The following LAIR1 variants were observed in gnomAD, a reference collection of about 807,000 sequenced individuals.
The protein encoded by LAIR1 is leukocyte associated immunoglobulin like receptor 1, also known as leukocyte-associated immunoglobulin-like receptor 1.
Under a neutral mutation model 32.8 loss-of-function variants are expected in LAIR1, and 24 were observed. The observed-to-expected ratio is 0.73, with a 90% confidence interval of 0.53 to 1.03. The LOEUF is 1.03. Among genes scored for constraint, LAIR1 ranks in the 50% least tolerant of loss-of-function variants. The probability of loss-of-function intolerance (pLI) is 0.00; values close to 1 mark genes in which losing one functional copy is unlikely to be tolerated. For missense variants in LAIR1, 355 were observed against 347.5 expected (o/e 1.02, Z -0.17); for synonymous variants, 150 against 140.5 (o/e 1.07, Z -0.48).
chr19:54,365,229 G>A (rs193165670), upstream of LAIR1: 103 of 229,198 alleles, frequency 4.5e-4, no homozygotes, highest in Non-Finnish European at 6.3e-5. Context: ...TATTACAAAT[G>A]GGAGCCATAG....
upstream of LAIR1, among the ~76,000 whole-genome samples, chr19:54,372,279 C>T (rs1463966329): frequency 2.6e-5 from 4 of 151,448 alleles, no homozygotes; most frequent in South Asian, 2.1e-4. Flanking sequence ...TCCACATCCT[C>T]GCCAGTAGGC....
upstream of LAIR1, among the ~76,000 whole-genome samples, chr19:54,373,325 T>C (rs2082451289): frequency 6.6e-6 from 1 of 150,728 alleles, no homozygotes; most frequent in Non-Finnish European, 1.5e-5. Context: ...GCACCTGTAG[T>C]CCCAGCTACT....
chr19:54,366,045 A>G (rs2082242423), upstream of LAIR1, among the ~76,000 whole-genome samples: 1 of 152,194 alleles, frequency 6.6e-6, no homozygotes, highest in African/African-American at 2.4e-5. Context: ...GCATGATGTC[A>G]CTTACAGGAG....
intron 2 of LAIR1, among the ~76,000 whole-genome samples, chr19:54,363,505 A>T (rs1282931683): frequency 6.6e-6 from 1 of 152,156 alleles, no homozygotes; most frequent in Admixed American, 6.5e-5. Flanking sequence ...TCCCAGGGTG[A>T]CCGCAGCACT....
the LAIR1 span, among the ~76,000 whole-genome samples, chr19:54,375,624 TG>T: frequency 6.6e-6 from 1 of 152,178 alleles, no homozygotes; most frequent in African/African-American, 2.4e-5. Context: ...AGGTCAGACT[TG>T]AAGGAGACGG....
rs2081636431 is a variant in LAIR1, at chr19:54,355,163, T to C, written c.*105A>G. 8.7e-7 allele frequency: 1 copy of C among 1,150,476 alleles called. No individual in the cohort carries two copies. The highest frequency in any genetic ancestry group is 1.6e-5 in the African/African-American group (1 of 62,984). The allele number at this position is 1,150,476 out of a possible 1,614,324, so 71.3% of individuals were successfully genotyped here. ...CTCCAGGACAGCTGCCTGGCTGGCT[T>C]TCTAGATGAAGAGGAATCCAACAGG... On this transcript the variant is annotated 3_prime_UTR_variant, in exon 10 of 10. Transcript: ENST00000391742. The surrounding 1 kb of genome is among the most constrained non-coding windows in gnomAD (Gnocchi z 4.7).
rs554172383 is a variant in LAIR1 at position 54,355,304 on chromosome 19, G to T, written c.828C>A (p.Ala276=). The change falls in exon 10 of 10, where the codon GCC becomes GCA. Residue 276 remains alanine (A), a synonymous_variant. Transcript: ENST00000391742. The surrounding 1 kb of genome is among the most constrained non-coding windows in gnomAD (Gnocchi z 4.7). The part of the protein sequence containing the change: ...AVSPQSTKPM[A]ESITYAAVAR... ...CAACGGCTGCATACGTGATGGACTC[G>T]GCCATGGGCTTTGTGGACTGTGGGG... The T allele has an allele frequency of 6.2e-7, 1 of 1,612,388 alleles. No homozygotes were observed. The highest frequency in any genetic ancestry group is 8.5e-7 in the Non-Finnish European group (1 of 1,179,138).
upstream of LAIR1, among the ~76,000 whole-genome samples, chr19:54,366,884 G>T (rs891780696): frequency 3.3e-5 from 5 of 152,170 alleles, no homozygotes; most frequent in Non-Finnish European, 5.9e-5. Flanking sequence ...TTACCTAAAG[G>T]TAGAGTTTAT....
upstream of LAIR1, among the ~76,000 whole-genome samples, chr19:54,374,426 G>A (rs956559890): frequency 5.9e-5 from 9 of 152,210 alleles, no homozygotes; most frequent in Admixed American, 1.3e-4. Flanking sequence ...TCTGGAGTTC[G>A]ATGAAGGACG....
In LAIR1 at chr19:54,351,603, A is replaced by G. The variant is rs1239248468; in HGVS notation, c.*3665T>C. 2 of 152,192 alleles carry G rather than the reference A, an allele frequency of 1.3e-5. No homozygotes were observed. Among genetic ancestry groups the G allele is most frequent in the Admixed American group, 1.3e-4 (2 of 15,278 alleles). The allele number at this position is 152,192 out of a possible 1,614,324, so 9.4% of individuals were successfully genotyped here. On this transcript the variant is annotated 3_prime_UTR_variant, in exon 10 of 10. Coordinates refer to ENST00000391742, the MANE Select transcript of LAIR1 (RefSeq NM_002287.6). ...ATCACCAACCAAAACACAACATGCTATCACCACAACTATTTTTAAATGTCT... is the reference window on the plus strand; with the variant it reads ...ATCACCAACCAAAACACAACATGCTGTCACCACAACTATTTTTAAATGTCT...
rs1211473119 is a variant in LAIR1 at position 54,364,182 on chromosome 19, G to A, written c.70+113C>T. The A allele has an allele frequency of 7.3e-6, 9 of 1,226,564 alleles. No individual in the cohort carries two copies. The highest frequency in any genetic ancestry group is 1.1e-5 in the Non-Finnish European group (9 of 848,082). 76.0% of individuals were successfully genotyped at this position (1,226,564 alleles called of 1,614,324 possible). A position where few individuals can be genotyped will look rare whatever the true frequency, so the allele number is the denominator to read the frequency against. On this transcript the variant is annotated intron_variant, in intron 2 of 9. Coordinates refer to ENST00000391742, the MANE Select transcript of LAIR1 (RefSeq NM_002287.6). This position sits in a 1 kb window ranked among gnomAD's most constrained non-coding sequence, Gnocchi z 4.8. ...ACATTTGGAAGAGTTTGCAATCTAG[G>A]GTATATTTAAAGGGATCTCTCCAGG...
Position 54,359,577 on chromosome 19 carries a change from A to T in LAIR1, c.415+445T>A, listed in dbSNP as rs1158934625. 3.3e-5 allele frequency among the ~76,000 whole-genome samples: 5 copies of T among 152,334 alleles called. No individual in the cohort carries two copies. In the East Asian group the frequency reaches 9.7e-4, roughly 30 times the overall value. On this transcript the variant is annotated intron_variant, in intron 4 of 9. Transcript: ENST00000391742. Reference sequence around the variant, plus strand: ...AGTTCTAAGTCCCTCCATCAGGTGCAGAGCGGGGTGAATGGTGAGGCCACG... The same window carrying T: ...AGTTCTAAGTCCCTCCATCAGGTGCTGAGCGGGGTGAATGGTGAGGCCACG...
Position 54,355,282 on chromosome 19 carries a change from C to T in LAIR1, c.850G>A (p.Val284Ile), listed in dbSNP as rs757423062. ...TGGGTATGGGGTCAGTGTCTGGCAA[C>T]GGCTGCATACGTGATGGACTCGGCC... is the stretch of plus-strand genomic sequence containing the variant. The part of the protein sequence containing the change: ...PMAESITYAA[V>I]ARH The change falls in exon 10 of 10, where the codon GTT (valine) becomes ATT (isoleucine). Residue 284 changes from valine (V) to isoleucine (I), a missense_variant. Physicochemically the swap from Val to Ile is conservative, Grantham distance 29. Coordinates refer to ENST00000391742, the MANE Select transcript of LAIR1 (RefSeq NM_002287.6). This position sits in a 1 kb window ranked among gnomAD's most constrained non-coding sequence, Gnocchi z 4.7. 5.0e-6 allele frequency: 8 copies of T among 1,607,178 alleles called. No individual in the cohort carries two copies. Among genetic ancestry groups the T allele is most frequent in the Non-Finnish European group, 6.8e-6 (8 of 1,176,386 alleles).
chr19:54,373,632 G>A (rs542965148), upstream of LAIR1, among the ~76,000 whole-genome samples: 5 of 151,838 alleles, frequency 3.3e-5, no homozygotes, highest in African/African-American at 9.7e-5. Flanking sequence ...CACGACTATT[G>A]TGAGACAAGA....
At chr19:54,368,957 G>A (rs1376280537), upstream of LAIR1, among the ~76,000 whole-genome samples, 1 of 151,212 alleles carries the variant, frequency 6.6e-6, no homozygotes, top group East Asian at 1.9e-4. Flanking sequence ...AAAGTGCTGA[G>A]ATTACAGGCG....
At chr19:54,362,134 AT>A (rs1397036787) in intron 2 of LAIR1, among the ~76,000 whole-genome samples, 1 of 152,076 alleles carries the variant, frequency 6.6e-6, no homozygotes, top group African/African-American at 2.4e-5. Flanking sequence ...GCTAATTAAT[AT>A]AACCTCACTT....
rs2081538346 is a variant in LAIR1 at position 54,351,868 on chromosome 19, G to C, written c.*3400C>G. The C allele has an allele frequency of 2.0e-5, 1 of 49,196 alleles. No individual in the cohort carries two copies. The highest frequency in any genetic ancestry group is 2.1e-4 in the Admixed American group (1 of 4,854). 3.0% of individuals were successfully genotyped at this position (49,196 alleles called of 1,614,324 possible). On this transcript the variant is annotated 3_prime_UTR_variant, in exon 10 of 10. Coordinates refer to ENST00000391742, the MANE Select transcript of LAIR1 (RefSeq NM_002287.6). ...TTCTATGTTCAGTTTTACACTAAAA[G>C]GTAAAAAAAAGTTAAAAAAAAGAAA...
upstream of LAIR1, among the ~76,000 whole-genome samples, chr19:54,366,582 A>C (rs1162258681): frequency 1.3e-5 from 2 of 151,970 alleles, no homozygotes; most frequent in East Asian, 3.9e-4. Flanking sequence ...TCTGCCTCCC[A>C]GATTCAAGCC....
chr19:54,355,056 G>A lies in LAIR1; in HGVS notation c.*212C>T, dbSNP rs2081633047. 9.9e-6 allele frequency: 5 copies of A among 506,350 alleles called. No homozygotes were observed. The highest frequency in any genetic ancestry group is 3.3e-5 in the East Asian group (1 of 30,156). 31.4% of individuals were successfully genotyped at this position (506,350 alleles called of 1,614,324 possible). ...ATAACTGAGAAACAGTCTGTCCAAG[G>A]AGCTGCTCGATTGTAGAAGGGACCA... On this transcript the variant is annotated 3_prime_UTR_variant, in exon 10 of 10. Transcript: ENST00000391742. The surrounding 1 kb of genome is among the most constrained non-coding windows in gnomAD (Gnocchi z 4.7).
Sources: allele counts gnomAD v4.1 joint callset (sites outside exome capture counted in the v4.1 genomes callset), GRCh38; gene constraint gnomAD v4.1.1; non-coding constraint Gnocchi (gnomAD v3.1); transcripts MANE v1.5; gene names NCBI Gene and HGNC (gene_info 2026-07-23, HGNC 2026-07-21).